THEMIS: variants seen among roughly 807,000 people sequenced by gnomAD.
THEMIS encodes the protein protein THEMIS.
A neutral mutation model predicts 52.6 loss-of-function variants in THEMIS; 37 were observed. The observed-to-expected ratio is 0.70, with a 90% CI of 0.54 to 0.93. The LOEUF (loss-of-function observed/expected upper bound fraction) is 0.93, where lower values mean the gene tolerates loss of function less well. Among genes scored for constraint, THEMIS ranks in the 40% least tolerant of loss-of-function variants. The pLI, the probability that THEMIS is intolerant of heterozygous loss-of-function variation, is 0.00. For synonymous variants in THEMIS, 292 were observed against 272.7 expected (o/e 1.07, Z -0.70); for missense variants, 808 against 763.1 (o/e 1.06, Z -0.69).
chr6:127,829,673 CCTT>C lies in THEMIS; in HGVS notation c.509_511del (p.Glu170del), dbSNP rs749482058. On this transcript the variant is annotated inframe_deletion, in exon 3 of 6. Transcript: ENST00000368248. ...TTCATCTTCACACTCGTAGAATTCT[CCTT>C]CTTGTGACAAAGGCAAATTAAATGA... is the stretch of plus-strand genomic sequence containing the variant. 7.4e-6 allele frequency: 12 copies of C among 1,614,080 alleles called. No homozygotes were observed. Among genetic ancestry groups the C allele is most frequent in the South Asian group, 6.6e-5 (6 of 91,080 alleles).
chr6:127,889,039 AG>A (rs1780726974), intron 1 of THEMIS, among the ~76,000 whole-genome samples: 1 of 152,226 alleles, frequency 6.6e-6, no homozygotes, highest in East Asian at 1.9e-4. Flanking sequence ...TAAACAATAA[AG>A]TATATTTCTT....
chr6:127,781,855 G>C (rs1421103520), intron 4 of THEMIS, among the ~76,000 whole-genome samples: 1 of 152,192 alleles, frequency 6.6e-6, no homozygotes, highest in African/African-American at 2.4e-5. Context: ...GTGTCTCCCA[G>C]TCAGGTGCCA....
At chr6:127,773,921 TTAA>T (rs1776470077) in intron 4 of THEMIS, among the ~76,000 whole-genome samples, 1 of 152,190 alleles carries the variant, frequency 6.6e-6, no homozygotes, top group African/African-American at 2.4e-5. Context: ...ACTGCAAAAC[TTAA>T]TAATTTAAAA....
chr6:127,849,444 T>C (rs926258941), intron 2 of THEMIS, among the ~76,000 whole-genome samples: 1 of 151,820 alleles, frequency 6.6e-6, no homozygotes, highest in Non-Finnish European at 1.5e-5. Flanking sequence ...TTAAAGTAGA[T>C]GCCATCCCCA....
intron 4 of THEMIS, among the ~76,000 whole-genome samples, chr6:127,774,139 C>A (rs1776477908): frequency 6.6e-6 from 1 of 152,268 alleles, no homozygotes. Flanking sequence ...AACATTTTTA[C>A]ATGGCAGCGT....
intron 1 of THEMIS, among the ~76,000 whole-genome samples, chr6:127,871,427 A>G (rs1371812491): frequency 6.6e-6 from 1 of 152,110 alleles, no homozygotes; most frequent in Non-Finnish European, 1.5e-5. Flanking sequence ...GTGATATTAG[A>G]AAAGAGCAAT....
chr6:127,814,928 G>A (rs770883960), intron 3 of THEMIS, among the ~76,000 whole-genome samples: 2 of 152,168 alleles, frequency 1.3e-5, no homozygotes, highest in Non-Finnish European at 2.9e-5. Flanking sequence ...AGGCTAAGGT[G>A]GGAGGACTGC....
At chr6:127,738,851 G>A (rs571200182) in intron 4 of THEMIS, among the ~76,000 whole-genome samples, 2 of 152,290 alleles carry the variant, frequency 1.3e-5, no homozygotes, top group African/African-American at 4.8e-5. Context: ...GATATGAACC[G>A]CTATGTCCAT....
At chr6:127,777,672 A>G (rs1247693817) in intron 4 of THEMIS, among the ~76,000 whole-genome samples, 1 of 152,184 alleles carries the variant, frequency 6.6e-6, no homozygotes, top group Non-Finnish European at 1.5e-5. Context: ...TGCTTACCAG[A>G]TAATGGACAA....
intron 1 of THEMIS, among the ~76,000 whole-genome samples, chr6:127,885,427 G>A (rs966578281): frequency 1.3e-5 from 2 of 152,096 alleles, no homozygotes; most frequent in African/African-American, 4.8e-5. Flanking sequence ...TTCTCAAACA[G>A]TTTATGACAG....
At chr6:127,899,740 A>C (rs960124969) in intron 1 of THEMIS, among the ~76,000 whole-genome samples, 2 of 151,672 alleles carry the variant, frequency 1.3e-5, no homozygotes, top group African/African-American at 4.8e-5. Flanking sequence ...ACAAAAAATG[A>C]TTTGGGGCTG....
At chr6:127,723,289 C>T (rs2114495768) in intron 4 of THEMIS, among the ~76,000 whole-genome samples, 1 of 152,152 alleles carries the variant, frequency 6.6e-6, no homozygotes, top group South Asian at 2.1e-4. Context: ...ACCTGCCAGA[C>T]TTCAACTTGT....
chr6:127,763,225 C>T lies in THEMIS; in HGVS notation c.1759-43402G>A, dbSNP rs146446899. On this transcript the variant is annotated intron_variant, in intron 4 of 5. Coordinates refer to ENST00000368248, the MANE Select transcript of THEMIS (RefSeq NM_001010923.3). ...AAAGCATTATATTTTAATTTAGGTG[C>T]ACTCACCAATGAATTCTCTATGTGA... Among the ~76,000 whole-genome samples the T allele has an allele frequency of 5.3e-5, 8 of 152,078 alleles. No homozygotes were observed. In the East Asian group the frequency reaches 1.2e-3, roughly 22 times the overall value.
At chr6:127,841,283 T>A (rs2114695943) in intron 2 of THEMIS, among the ~76,000 whole-genome samples, 1 of 152,106 alleles carries the variant, frequency 6.6e-6, no homozygotes, top group Admixed American at 6.6e-5. Flanking sequence ...TGTGTATAAT[T>A]ATAGAAATGT....
chr6:127,881,059 A>G (rs73595771), intron 1 of THEMIS, among the ~76,000 whole-genome samples: 290 of 152,226 alleles, frequency 1.9e-3, no homozygotes, highest in African/African-American at 6.6e-3. Context: ...CAAAGCAGAC[A>G]TTTCTAAAAT....
At chr6:127,859,295 C>T (rs1583362750) in intron 1 of THEMIS, among the ~76,000 whole-genome samples, 1 of 152,176 alleles carries the variant, frequency 6.6e-6, no homozygotes, top group East Asian at 1.9e-4. Flanking sequence ...TTCCTTGATC[C>T]CTACACCTAA....
At chr6:127,710,981 C>T in intron 5 of THEMIS, among the ~76,000 whole-genome samples, 1 of 120,058 alleles carries the variant, frequency 8.3e-6, no homozygotes, top group Non-Finnish European at 2.0e-5. Flanking sequence ...CTTCCTCCCT[C>T]CCTCCCTCCC....
chr6:127,716,615 CCTGCTTCTGGGACT>C (rs1774171650), intron 5 of THEMIS, among the ~76,000 whole-genome samples: 1 of 151,928 alleles, frequency 6.6e-6, no homozygotes, highest in Non-Finnish European at 1.5e-5. Context: ...TCTGCCCAGA[CCTGCTTCTGGGACT>C]CTGCCTCAAG....
At chr6:127,864,408 G>A (rs1289937880) in intron 1 of THEMIS, among the ~76,000 whole-genome samples, 3 of 152,144 alleles carry the variant, frequency 2.0e-5, no homozygotes, top group Non-Finnish European at 4.4e-5. Context: ...GCCAGGTCTT[G>A]AGGAAGGTCA....
Sources: gnomAD v4.1 joint callset for allele counts (sites outside exome capture counted in the v4.1 genomes callset) on GRCh38, gnomAD v4.1.1 for gene constraint, MANE v1.5 for transcripts, NCBI Gene and HGNC (gene_info 2026-07-23, HGNC 2026-07-21) for gene names.